CLIC5: variants seen among roughly 807,000 people sequenced by gnomAD.
The protein encoded by CLIC5 is CLIC family member 5.
CLIC5 carries 20 observed loss-of-function variants against 24.7 expected under a neutral mutation model. The observed-to-expected ratio is 0.81, with a 90% CI of 0.57 to 1.18. The LOEUF is 1.18. CLIC5 is among the 50% of genes most tolerant of loss of function. The pLI, the probability that CLIC5 is intolerant of heterozygous loss-of-function variation, is 0.00. For synonymous variants in CLIC5, 159 were observed against 135.6 expected (o/e 1.17, Z -1.20); for missense variants, 341 against 326.1 (o/e 1.05, Z -0.35).
rs57394612 is a variant in CLIC5 at position 45,984,256 on chromosome 6, T to C, written c.64-29012A>G. Among the ~76,000 whole-genome samples, 760 of 152,350 alleles carry C rather than the reference T, an allele frequency of 5.0e-3. 4 individuals carry two copies. The highest frequency in any genetic ancestry group is 0.017 in the African/African-American group (713 of 41,582). On this transcript the variant is annotated intron_variant, in intron 1 of 5. Transcript: ENST00000339561. ...CCTTGTGCTCAAGATGAGAGGGATG[T>C]GTAGAATTAATTCTCGAGTACTTTC...
intron 6 of CLIC5, among the ~76,000 whole-genome samples, chr6:45,885,859 G>A (rs1762300887): frequency 6.6e-6 from 1 of 152,192 alleles, no homozygotes; most frequent in Admixed American, 6.5e-5. Flanking sequence ...AGCTTCAAAT[G>A]TGGAGATGGC....
rs372342464 is a variant in CLIC5, at chr6:45,915,732, T to C, written c.407-1323A>G. ...TATTTAGACACAAAAGCAGACAAAA[T>C]ACCCAAAAGAACAACTGTGGGAAGC... On this transcript the variant is annotated intron_variant, in intron 4 of 5. Coordinates refer to ENST00000339561, the MANE Select transcript of CLIC5 (RefSeq NM_016929.5). 4.6e-5 allele frequency among the ~76,000 whole-genome samples: 7 copies of C among 152,224 alleles called. No homozygotes were observed. The East Asian group carries it at 1.2e-3, about 25-fold the overall frequency.
chr6:46,056,197 G>C (rs879839381), intron 1 of CLIC5, among the ~76,000 whole-genome samples: 2 of 152,090 alleles, frequency 1.3e-5, no homozygotes, highest in Non-Finnish European at 2.9e-5. Context: ...GCTTAGATAT[G>C]AGCCCTGTCT....
intron 5 of CLIC5, chr6:45,912,410 G>A (rs2127305875): frequency 8.9e-7 from 1 of 1,120,792 alleles, no homozygotes; most frequent in South Asian, 2.5e-5. Flanking sequence ...GAAATCACAG[G>A]ATGAAGCCCA....
intron 1 of CLIC5, among the ~76,000 whole-genome samples, chr6:45,978,191 A>T (rs1765446324): frequency 1.3e-5 from 2 of 152,302 alleles, no homozygotes; most frequent in African/African-American, 2.4e-5. Context: ...GTGCAAAATA[A>T]CTGCTCAATA....
chr6:45,988,078 G>A (rs1765803976), intron 1 of CLIC5, among the ~76,000 whole-genome samples: 1 of 152,204 alleles, frequency 6.6e-6, no homozygotes, highest in Admixed American at 6.5e-5. Flanking sequence ...AGGTAAGGGT[G>A]AGGCCTGAGG....
rs1197720919 is a variant in CLIC5 at position 45,902,639 on chromosome 6, G to A, written c.*449C>T. On this transcript the variant is annotated 3_prime_UTR_variant, in exon 6 of 6. Coordinates refer to ENST00000339561, the MANE Select transcript of CLIC5 (RefSeq NM_016929.5). Reference sequence around the variant, plus strand: ...CACTCTCTCTGTCTCCCCTAATGGGGTAATAGATCTCTTTCTAAGAAGGAT... The same window carrying A: ...CACTCTCTCTGTCTCCCCTAATGGGATAATAGATCTCTTTCTAAGAAGGAT... 5.9e-6 allele frequency: 1 copy of A among 170,496 alleles called. No homozygotes were observed. The highest frequency in any genetic ancestry group is 2.4e-5 in the African/African-American group (1 of 41,580). 10.6% of individuals were successfully genotyped at this position (170,496 alleles called of 1,614,324 possible).
intron 1 of CLIC5, among the ~76,000 whole-genome samples, chr6:46,052,462 G>A (rs1237888206): frequency 6.6e-6 from 1 of 152,236 alleles, no homozygotes; most frequent in Non-Finnish European, 1.5e-5. Context: ...CAAACTTCTG[G>A]AAGAGAGAAG....
At chr6:45,938,224 A>C (rs2127361759) in intron 4 of CLIC5, among the ~76,000 whole-genome samples, 1 of 152,324 alleles carries the variant, frequency 6.6e-6, no homozygotes, top group East Asian at 1.9e-4. Context: ...GCTCACACAG[A>C]GCAGAAAGGG....
chr6:45,980,437 C>T (rs1454299203), intron 1 of CLIC5, among the ~76,000 whole-genome samples: 1 of 151,974 alleles, frequency 6.6e-6, no homozygotes, highest in Non-Finnish European at 1.5e-5. Context: ...GTGGGGTGAG[C>T]ATTGGAAAAC....
chr6:46,060,700 T>C (rs918616695), intron 1 of CLIC5, among the ~76,000 whole-genome samples: 3 of 151,974 alleles, frequency 2.0e-5, no homozygotes, highest in African/African-American at 7.3e-5. Flanking sequence ...TCTTCCCTGA[T>C]CCTACCTGCC....
At chr6:45,907,039 G>T (rs1348845789) in intron 5 of CLIC5, among the ~76,000 whole-genome samples, 2 of 152,142 alleles carry the variant, frequency 1.3e-5, no homozygotes. Context: ...GATTGCTCTG[G>T]CAAGGACTTC....
At chr6:46,023,940 T>G (rs1028667156) in intron 1 of CLIC5, among the ~76,000 whole-genome samples, 1 of 151,768 alleles carries the variant, frequency 6.6e-6, no homozygotes, top group Admixed American at 6.6e-5. Context: ...TACTCTGACC[T>G]ACACATCTGA....
exon 7 of CLIC5, chr6:45,881,081 T>C (rs887353814): frequency 2.5e-5 from 10 of 398,314 alleles, no homozygotes; most frequent in Non-Finnish European, 4.0e-5. Context: ...CATTTAGAAA[T>C]TTCAGTAGAA....
intron 1 of CLIC5, among the ~76,000 whole-genome samples, chr6:46,005,627 G>C (rs890578326): frequency 6.6e-6 from 1 of 152,258 alleles, no homozygotes; most frequent in East Asian, 1.9e-4. Flanking sequence ...CTGAATGTTT[G>C]TGTCCCCCCA....
At chr6:46,065,907 T>A (rs1044946339) in intron 1 of CLIC5, among the ~76,000 whole-genome samples, 2 of 152,194 alleles carry the variant, frequency 1.3e-5, no homozygotes, top group Non-Finnish European at 2.9e-5. Flanking sequence ...TTTTAATGTA[T>A]GTAAATTATA....
chr6:45,984,968 A>G (rs1283444065), intron 1 of CLIC5, among the ~76,000 whole-genome samples: 1 of 152,206 alleles, frequency 6.6e-6, no homozygotes, highest in African/African-American at 2.4e-5. Flanking sequence ...GGGAAGACAC[A>G]GAACATTTGG....
At chr6:46,031,617 T>A (rs1767500728) in intron 1 of CLIC5, among the ~76,000 whole-genome samples, 2 of 152,034 alleles carry the variant, frequency 1.3e-5, no homozygotes, top group Admixed American at 1.3e-4. Context: ...AATTTGGGCC[T>A]TATAATGGTC....
upstream of CLIC5, among the ~76,000 whole-genome samples, chr6:46,017,581 C>T (rs1767054609): frequency 2.0e-5 from 3 of 152,312 alleles, no homozygotes; most frequent in African/African-American, 7.2e-5. Context: ...TGGAAGTGCA[C>T]ACTTTGAGGA....
Sources: gnomAD v4.1 joint callset for allele counts (sites outside exome capture counted in the v4.1 genomes callset) on GRCh38, gnomAD v4.1.1 for gene constraint, MANE v1.5 for transcripts, NCBI Gene and HGNC (gene_info 2026-07-23, HGNC 2026-07-21) for gene names.